Variants in CNTN3 observed in about 807,000 individuals in gnomAD.
The protein encoded by CNTN3 is contactin-3.
In CNTN3, 60 loss-of-function variants were observed where a neutral mutation model predicts 119.1. The ratio of observed to expected loss-of-function variants is 0.50; its 90% CI spans 0.41 to 0.62. CNTN3 has a LOEUF of 0.62. Ranked by LOEUF, CNTN3 falls within the 20% of genes least tolerant of loss-of-function variation. The pLI is 0.00. For missense variants in CNTN3, 1,101 were observed against 1,242.4 expected (o/e 0.89, Z 1.71); for synonymous variants, 450 against 438.7 (o/e 1.03, Z -0.32).
At chr3:74,441,342 A>AT (rs1207537825) in intron 4 of CNTN3, among the ~76,000 whole-genome samples, 1 of 152,204 alleles carries the variant, frequency 6.6e-6, no homozygotes, top group Non-Finnish European at 1.5e-5. Context: ...CGCTATCAGT[A>AT]TACCTCTGAA....
chr3:74,529,709 T>G (rs1703667716), intron 1 of CNTN3, among the ~76,000 whole-genome samples: 1 of 151,932 alleles, frequency 6.6e-6, no homozygotes, highest in Non-Finnish European at 1.5e-5. Context: ...AATGATAAAA[T>G]GTGAAAAATC....
At chr3:74,535,248 A>G (rs1241696665) in intron 1 of CNTN3, among the ~76,000 whole-genome samples, 4 of 152,012 alleles carry the variant, frequency 2.6e-5, no homozygotes, top group Non-Finnish European at 5.9e-5. Context: ...TAGAATTCAC[A>G]CCTATTAGGG....
At chr3:74,380,901 C>G (rs1330789004) in intron 5 of CNTN3, among the ~76,000 whole-genome samples, 2 of 152,156 alleles carry the variant, frequency 1.3e-5, no homozygotes, top group East Asian at 3.9e-4. Flanking sequence ...TCTCATCTTG[C>G]ATTACGGGTG....
chr3:74,371,653 T>A (rs1249867243), intron 5 of CNTN3, among the ~76,000 whole-genome samples: 1 of 152,142 alleles, frequency 6.6e-6, no homozygotes, highest in Admixed American at 6.6e-5. Context: ...AGACACCTTC[T>A]AACAAGCTTC....
At chr3:74,283,765 T>C (rs1702059715) in intron 20 of CNTN3, among the ~76,000 whole-genome samples, 1 of 152,188 alleles carries the variant, frequency 6.6e-6, no homozygotes, top group African/African-American at 2.4e-5. Context: ...TCAGTAAGAA[T>C]TGTTGAGAAA....
In CNTN3 at chr3:74,369,262, A is replaced by G. The variant is rs370322691; in HGVS notation, c.873T>C (p.Asp291=). 16 of 1,611,666 alleles carry G rather than the reference A, an allele frequency of 9.9e-6. No homozygotes were observed. In the East Asian group the frequency reaches 3.1e-4, roughly 32 times the overall value. ...CAGCAATGCATTCATAGGAACCTGCATCTTCCTGTTGGAAGTTGGGGATTT... is the reference window on the plus strand; with the variant it reads ...CAGCAATGCATTCATAGGAACCTGCGTCTTCCTGTTGGAAGTTGGGGATTT... The part of the protein sequence containing the change: ...VLEIPNFQQE[D]AGSYECIAEN... Residue 291 remains aspartate (D), a synonymous_variant, in exon 8 of 23, where the codon GAT becomes GAC. Coordinates refer to ENST00000263665, the MANE Select transcript of CNTN3 (RefSeq NM_020872.3).
chr3:74,366,729 C>A (rs1704196897), intron 8 of CNTN3, among the ~76,000 whole-genome samples: 1 of 132,362 alleles, frequency 7.6e-6, no homozygotes, highest in Non-Finnish European at 1.6e-5. Context: ...ATAATGTATT[C>A]ATCTAAGTTT....
intron 1 of CNTN3, among the ~76,000 whole-genome samples, chr3:74,577,323 T>C (rs992113589): frequency 1.3e-5 from 2 of 152,206 alleles, no homozygotes; most frequent in Non-Finnish European, 2.9e-5. Flanking sequence ...GGAAGTATGA[T>C]TTCTAACTGC....
chr3:74,281,696 C>G (rs551112854), intron 20 of CNTN3, among the ~76,000 whole-genome samples: 1 of 151,986 alleles, frequency 6.6e-6, no homozygotes, highest in African/African-American at 2.4e-5. Context: ...CTGGATCTAG[C>G]GTAGGGTATG....
At chr3:74,322,783 C>T (rs754579184) in intron 13 of CNTN3, among the ~76,000 whole-genome samples, 3 of 152,140 alleles carry the variant, frequency 2.0e-5, no homozygotes, top group Non-Finnish European at 4.4e-5. Context: ...AACGGTGATA[C>T]ATCCAGATAC....
chr3:74,602,357 A>G (rs1704925522), intron 1 of CNTN3, among the ~76,000 whole-genome samples: 1 of 151,146 alleles, frequency 6.6e-6, no homozygotes, highest in Non-Finnish European at 1.5e-5. Flanking sequence ...GAACCACCCT[A>G]GCCAATGTGA....
intron 5 of CNTN3, among the ~76,000 whole-genome samples, chr3:74,410,438 T>C (rs1045183175): frequency 6.6e-6 from 1 of 152,182 alleles, no homozygotes; most frequent in Non-Finnish European, 1.5e-5. Flanking sequence ...CATGTCATGT[T>C]TATACCAGAT....
At chr3:74,306,799 C>A (rs1045909686) in intron 13 of CNTN3, among the ~76,000 whole-genome samples, 9 of 152,054 alleles carry the variant, frequency 5.9e-5, no homozygotes, top group African/African-American at 2.2e-4. Flanking sequence ...AAAATAAGAT[C>A]ATTCATTTAA....
intron 1 of CNTN3, among the ~76,000 whole-genome samples, chr3:74,550,027 G>A (rs1249665480): frequency 6.6e-6 from 1 of 152,128 alleles, no homozygotes; most frequent in African/African-American, 2.4e-5. Flanking sequence ...CATAACCTTG[G>A]TTCAGTCAGA....
Position 74,446,210 on chromosome 3 carries a change from G to A in CNTN3, c.359-21270C>T, listed in dbSNP as rs566127800. On this transcript the variant is annotated intron_variant, in intron 4 of 22. Transcript: ENST00000263665. ...CTCATATGTAAGATGGTAGTAATAC[G>A]TACCTGAACTACCTCAGGAGGTTTT... 2.0e-4 allele frequency among the ~76,000 whole-genome samples: 31 copies of A among 152,248 alleles called. 2 individuals are homozygous for A. In the South Asian group the frequency reaches 5.0e-3, roughly 24 times the overall value.
chr3:74,301,339 A>C, intron 16 of CNTN3, 59 bp downstream of exon 16: 1 of 1,552,070 alleles, frequency 6.4e-7, no homozygotes, highest in Admixed American at 1.8e-5. Flanking sequence ...TTCAGGGCCA[A>C]GGGAAATGGA....
intron 1 of CNTN3, among the ~76,000 whole-genome samples, chr3:74,587,661 G>A (rs1303059708): frequency 6.6e-6 from 1 of 152,118 alleles, no homozygotes; most frequent in Admixed American, 6.6e-5. Flanking sequence ...GAAAACCATC[G>A]TAAAACTCCA....
chr3:74,362,684 A>G (rs1271373879), intron 10 of CNTN3, among the ~76,000 whole-genome samples: 3 of 152,104 alleles, frequency 2.0e-5, no homozygotes, highest in Non-Finnish European at 4.4e-5. Flanking sequence ...GATACATAAT[A>G]TTGTATCATT....
At chr3:74,564,888 T>C (rs967705117) in intron 1 of CNTN3, among the ~76,000 whole-genome samples, 5 of 152,012 alleles carry the variant, frequency 3.3e-5, no homozygotes, top group Non-Finnish European at 7.4e-5. Flanking sequence ...AACAATGAAA[T>C]GTGATGTTAG....
Sources: gnomAD v4.1 joint callset for allele counts (sites outside exome capture counted in the v4.1 genomes callset) on GRCh38, gnomAD v4.1.1 for gene constraint, MANE v1.5 for transcripts, NCBI Gene and HGNC (gene_info 2026-07-23, HGNC 2026-07-21) for gene names.